The following PDS5B variants were observed in gnomAD, a reference collection of about 807,000 sequenced individuals.
PDS5B encodes PDS5 cohesin associated factor B.
Under a neutral mutation model 184.1 loss-of-function variants are expected in PDS5B, and 51 were observed. The observed-to-expected ratio is 0.28, with a 90% CI of 0.22 to 0.35. PDS5B has a LOEUF of 0.35. Ranked by LOEUF, PDS5B falls within the 10% of genes least tolerant of loss-of-function variation. PDS5B has a pLI of 1.00. For missense variants in PDS5B, 1,180 were observed against 1,723.3 expected (o/e 0.68, Z 5.58); for synonymous variants, 566 against 569.2 (o/e 0.99, Z 0.08).
chr13:32,708,911 A>G (rs1280426464), intron 18 of PDS5B, among the ~76,000 whole-genome samples: 2 of 152,156 alleles, frequency 1.3e-5, no homozygotes, highest in African/African-American at 2.4e-5. Context: ...AAGTGAATAC[A>G]AGTGAAAAGT....
Position 32,638,913 on chromosome 13 carries a change from T to G in PDS5B, c.-19-9841T>G, listed in dbSNP as rs968907564. Reference sequence around the variant, plus strand: ...TAATAAGAGGCTGAGGGTTTCCGTTTGATGGCGCTTCTGTTTTCTCAATGA... The same window carrying G: ...TAATAAGAGGCTGAGGGTTTCCGTTGGATGGCGCTTCTGTTTTCTCAATGA... On this transcript the variant is annotated intron_variant, in intron 1 of 34. Transcript: ENST00000315596. Among the ~76,000 whole-genome samples, 6 of 152,010 alleles carry G rather than the reference T, an allele frequency of 3.9e-5. No homozygotes were observed. The South Asian group carries it at 1.2e-3, about 32-fold the overall frequency.
intron 6 of PDS5B, among the ~76,000 whole-genome samples, chr13:32,659,905 G>T (rs1209587836): frequency 6.6e-6 from 1 of 152,160 alleles, no homozygotes; most frequent in Non-Finnish European, 1.5e-5. Flanking sequence ...TATAATCTCA[G>T]TGTAGAGACT....
chr13:32,751,334 T>C (rs1366794782), intron 24 of PDS5B, among the ~76,000 whole-genome samples: 3 of 152,246 alleles, frequency 2.0e-5, no homozygotes, highest in Non-Finnish European at 2.9e-5. Context: ...TACATGTGCC[T>C]TCATGGTAGA....
chr13:32,622,040 G>A (rs184097595), intron 1 of PDS5B, among the ~76,000 whole-genome samples: 39 of 150,198 alleles, frequency 2.6e-4, no homozygotes, highest in African/African-American at 7.8e-4. Flanking sequence ...CTTGATCAGC[G>A]TCACCAGAGA....
chr13:32,606,252 G>A (rs1408913281), intron 1 of PDS5B, among the ~76,000 whole-genome samples: 2 of 152,170 alleles, frequency 1.3e-5, no homozygotes, highest in African/African-American at 2.4e-5. Flanking sequence ...GCTCTTGTAC[G>A]GCAGGCCTGG....
intron 8 of PDS5B, among the ~76,000 whole-genome samples, chr13:32,673,904 C>T (rs555718621): frequency 1.2e-4 from 18 of 152,064 alleles, no homozygotes; most frequent in Admixed American, 1.1e-3. Flanking sequence ...CAACCTGTGC[C>T]TCTCGGGATC....
chr13:32,742,430 A>G (rs1457395000), intron 22 of PDS5B, among the ~76,000 whole-genome samples, 161 bp from the exon 23 acceptor site: 1 of 152,176 alleles, frequency 6.6e-6, no homozygotes, highest in African/African-American at 2.4e-5. Context: ...GATGTTTGAA[A>G]CATCTTTAAA....
chr13:32,720,794 T>G (rs1370500670), intron 19 of PDS5B, among the ~76,000 whole-genome samples: 3 of 151,896 alleles, frequency 2.0e-5, no homozygotes, highest in African/African-American at 4.8e-5. Context: ...CCTGCGGCCT[T>G]CCGCAGTGTT....
At position 32,681,448 on chromosome 13, in the gene PDS5B, C is replaced by A. The variant is rs369989107; in HGVS notation, c.1058-2430C>A. Among the ~76,000 whole-genome samples the A allele has an allele frequency of 8.7e-4, 133 of 152,126 alleles. 3 individuals are homozygous for A. In the South Asian group the frequency reaches 0.026, roughly 30 times the overall value. The stretch of plus-strand genomic sequence containing the variant: ...GACCAGCCCAGCCAACATGGTGAAA[C>A]CCCACCTCTACTAAAAAATACAAAA... On this transcript the variant is annotated intron_variant, in intron 10 of 34. Transcript: ENST00000315596.
chr13:32,680,841 G>A (rs1951219423), intron 10 of PDS5B, among the ~76,000 whole-genome samples: 1 of 151,906 alleles, frequency 6.6e-6, no homozygotes, highest in Non-Finnish European at 1.5e-5. Flanking sequence ...TGCCCAGGCT[G>A]ATTTTGAATT....
intron 3 of PDS5B, 106 bp downstream of exon 3, chr13:32,652,113 A>T: frequency 1.3e-6 from 1 of 776,590 alleles, no homozygotes; most frequent in Non-Finnish European, 2.2e-6. Context: ...ATTCTTTGAC[A>T]TTAGCTACAG....
At chr13:32,632,560 GC>G (rs2058475381) in intron 1 of PDS5B, among the ~76,000 whole-genome samples, 1 of 152,190 alleles carries the variant, frequency 6.6e-6, no homozygotes, top group African/African-American at 2.4e-5. Context: ...TGCTGATGTA[GC>G]TAGCTGCTGC....
At chr13:32,721,950 G>A (rs1239397768) in intron 19 of PDS5B, among the ~76,000 whole-genome samples, 10 of 152,112 alleles carry the variant, frequency 6.6e-5, no homozygotes, top group Non-Finnish European at 1.3e-4. Context: ...CCTCCCAGAC[G>A]GGGTGGCGGC....
chr13:32,709,698 A>G (rs1459498855), intron 18 of PDS5B, among the ~76,000 whole-genome samples: 1 of 152,094 alleles, frequency 6.6e-6, no homozygotes, highest in African/African-American at 2.4e-5. Flanking sequence ...TTTGATTAAA[A>G]TTATATTAAC....
At chr13:32,741,272 T>G (rs147831864) in intron 22 of PDS5B, 124 bp downstream of exon 22, 5 of 580,390 alleles carry the variant, frequency 8.6e-6, no homozygotes, top group African/African-American at 7.7e-5. Context: ...ATTTATTGTA[T>G]GATGTCTTAT....
At chr13:32,693,993 C>T (rs532150580) in intron 13 of PDS5B, among the ~76,000 whole-genome samples, 1 of 151,850 alleles carries the variant, frequency 6.6e-6, no homozygotes, top group South Asian at 2.1e-4. Context: ...TATAATTTCT[C>T]CAGTTAATTC....
chr13:32,774,442 G>A (rs1325272369), intron 34 of PDS5B, among the ~76,000 whole-genome samples: 2 of 152,162 alleles, frequency 1.3e-5, no homozygotes, highest in Non-Finnish European at 2.9e-5. Flanking sequence ...AACGATTGAT[G>A]TCTTCATCAG....
chr13:32,630,500 G>A (rs146482433), intron 1 of PDS5B, among the ~76,000 whole-genome samples: 24 of 152,208 alleles, frequency 1.6e-4, no homozygotes, highest in Middle Eastern at 3.4e-3. Flanking sequence ...AGAATTTTTG[G>A]CAAAAAACGT....
At chr13:32,770,905 C>T in intron 33 of PDS5B, 144 bp downstream of exon 33, 1 of 638,558 alleles carries the variant, frequency 1.6e-6, no homozygotes, top group African/African-American at 1.9e-5. Flanking sequence ...ATAAACTTAC[C>T]TTAGTGATTG....
Sources: allele counts gnomAD v4.1 joint callset (sites outside exome capture counted in the v4.1 genomes callset), GRCh38; gene constraint gnomAD v4.1.1; transcripts MANE v1.5; gene names NCBI Gene and HGNC (gene_info 2026-07-23, HGNC 2026-07-21).